ANKRD28: variants seen among roughly 807,000 people sequenced by gnomAD.
ANKRD28 encodes serine/threonine-protein phosphatase 6 regulatory ankyrin repeat subunit A.
In ANKRD28, 44 loss-of-function variants were observed where a neutral mutation model predicts 126.5. That is an observed-to-expected ratio of 0.35 (90% CI 0.27 to 0.45). ANKRD28 has a LOEUF of 0.45. ANKRD28 is among the 20% of genes least tolerant of loss of function. The probability of loss-of-function intolerance (pLI) is 1.00; values close to 1 mark genes in which losing one functional copy is unlikely to be tolerated. For synonymous variants in ANKRD28, 442 were observed against 468.5 expected (o/e 0.94, Z 0.73); for missense variants, 1,110 against 1,316.6 (o/e 0.84, Z 2.43).
At chr3:15,710,471 C>A (rs964586072) in intron 12 of ANKRD28, among the ~76,000 whole-genome samples, 1 of 152,182 alleles carries the variant, frequency 6.6e-6, no homozygotes, top group Non-Finnish European at 1.5e-5. Flanking sequence ...AAACCAGTCA[C>A]ATGCTCACAA....
intron 7 of ANKRD28, 109 bp downstream of exon 7, chr3:15,724,273 T>A (rs544582724): frequency 2.0e-6 from 2 of 975,934 alleles, no homozygotes; most frequent in East Asian, 5.3e-5. Flanking sequence ...AATTAAAACA[T>A]GAAAACATTG....
At chr3:15,705,385 G>A (rs2071217135) in intron 14 of ANKRD28, among the ~76,000 whole-genome samples, 1 of 152,124 alleles carries the variant, frequency 6.6e-6, no homozygotes. Context: ...GGATCAAAGT[G>A]TAATCTTTTT....
At chr3:15,693,610 G>A (rs905446403) in intron 17 of ANKRD28, among the ~76,000 whole-genome samples, 3 of 152,074 alleles carry the variant, frequency 2.0e-5, no homozygotes, top group African/African-American at 7.2e-5. Flanking sequence ...TGAGAATGCT[G>A]CTGCTGCTGC....
intron 4 of ANKRD28, among the ~76,000 whole-genome samples, chr3:15,742,158 C>T (rs1244944379): frequency 1.3e-5 from 2 of 151,810 alleles, no homozygotes; most frequent in Admixed American, 1.3e-4. Context: ...CCGGCCGCCA[C>T]CCCGTCTGGG....
rs373093559 is a variant in ANKRD28 at position 15,727,727 on chromosome 3, TGTG to T, written c.641-3206_641-3204del. Reference sequence around the variant, plus strand: ...CTTCAGCGAAGGAAATAACTACAGATGTGGTAGAAATAGCAAGAGAACTAGAAT... The same window carrying T: ...CTTCAGCGAAGGAAATAACTACAGATGTAGAAATAGCAAGAGAACTAGAAT... On this transcript the variant is annotated intron_variant, in intron 6 of 27. Transcript: ENST00000683139. Among the ~76,000 whole-genome samples, 257 of 152,104 alleles carry T rather than the reference TGTG, an allele frequency of 1.7e-3. 2 individuals are homozygous for T. The highest frequency in any genetic ancestry group is 3.3e-3 in the Non-Finnish European group (225 of 67,988).
At chr3:15,674,928 T>C (rs2066777572) in intron 27 of ANKRD28, among the ~76,000 whole-genome samples, 1 of 151,938 alleles carries the variant, frequency 6.6e-6, no homozygotes, top group South Asian at 2.1e-4. Flanking sequence ...TTTTGCTATG[T>C]GTAGGGGTGA....
intron 4 of ANKRD28, among the ~76,000 whole-genome samples, chr3:15,747,183 T>G (rs896542030): frequency 3.9e-5 from 6 of 152,028 alleles, no homozygotes; most frequent in Admixed American, 6.5e-5. Flanking sequence ...TTTTTTTGGT[T>G]TCAATTTCAT....
At chr3:15,857,727 C>T in intron 1 of ANKRD28, among the ~76,000 whole-genome samples, 1 of 152,232 alleles carries the variant, frequency 6.6e-6, no homozygotes, top group East Asian at 1.9e-4. Context: ...CTGAAAAACA[C>T]AATCCTGTTT....
intron 3 of ANKRD28, chr3:15,756,401 G>T (rs2125429355): frequency 2.9e-6 from 2 of 681,340 alleles, no homozygotes; most frequent in Middle Eastern, 7.6e-4. Flanking sequence ...AAAAGAAAAG[G>T]TTACCTAAAT....
chr3:15,685,967 A>T, intron 20 of ANKRD28, 35 bp downstream of exon 20: 2 of 1,552,768 alleles, frequency 1.3e-6, no homozygotes, highest in Non-Finnish European at 1.8e-6. Flanking sequence ...AGGTCATAAA[A>T]GCTTTTTGAA....
intron 2 of ANKRD28, among the ~76,000 whole-genome samples, chr3:15,788,000 C>T (rs925301769): frequency 6.6e-6 from 1 of 152,142 alleles, no homozygotes; most frequent in Non-Finnish European, 1.5e-5. Context: ...TATGCTACAT[C>T]TAAGATCTAC....
intron 4 of ANKRD28, among the ~76,000 whole-genome samples, chr3:15,742,608 G>A (rs1355227029): frequency 0.019 from 3 of 158 alleles, no homozygotes; most frequent in Non-Finnish European, 0.031. Context: ...AGGGAGGTGG[G>A]GGTCAGCCCC....
At chr3:15,731,945 C>T (rs1214754617) in intron 6 of ANKRD28, 1 of 146,454 alleles carries the variant, frequency 6.8e-6, no homozygotes, top group African/African-American at 2.5e-5. Context: ...TTCCTTTACA[C>T]TCACACTGAA....
rs372953876 is a variant in ANKRD28 at position 15,817,979 on chromosome 3, A to C, written c.28-22673T>G. Among the ~76,000 whole-genome samples the C allele has an allele frequency of 2.4e-4, 37 of 152,376 alleles. No homozygotes were observed. The South Asian group carries it at 4.8e-3, about 20-fold the overall frequency. ...TACTACCAATGAACAACTGGAAATCAAAACAAAAAGCAGTACCATTTATAA... is the reference window on the plus strand; with the variant it reads ...TACTACCAATGAACAACTGGAAATCCAAACAAAAAGCAGTACCATTTATAA... On this transcript the variant is annotated intron_variant, in intron 1 of 27. Transcript: ENST00000399451. This position sits in a 1 kb window ranked among gnomAD's most constrained non-coding sequence, Gnocchi z 4.5.
At chr3:15,773,304 A>G (rs2059106546) in intron 2 of ANKRD28, among the ~76,000 whole-genome samples, 1 of 152,198 alleles carries the variant, frequency 6.6e-6, no homozygotes, top group East Asian at 1.9e-4. Flanking sequence ...AGGAAAATAA[A>G]TGCTTAAGCA....
At chr3:15,764,541 G>T (rs80037420) in intron 3 of ANKRD28, among the ~76,000 whole-genome samples, 2 of 144,136 alleles carry the variant, frequency 1.4e-5, no homozygotes, top group African/African-American at 5.2e-5. Context: ...AATAAAAAAT[G>T]AAAAAAAAAA....
intron 13 of ANKRD28, among the ~76,000 whole-genome samples, chr3:15,709,294 GA>G (rs1007251432): frequency 3.3e-5 from 5 of 152,182 alleles, no homozygotes; most frequent in Non-Finnish European, 7.4e-5. Flanking sequence ...CCCTCACCAA[GA>G]AATGACTTGG....
At chr3:15,707,023 T>C (rs992064629) in intron 14 of ANKRD28, among the ~76,000 whole-genome samples, 1 of 152,226 alleles carries the variant, frequency 6.6e-6, no homozygotes, top group Non-Finnish European at 1.5e-5. Flanking sequence ...GAGTTTATAC[T>C]AAATTAACAT....
intron 1 of ANKRD28, among the ~76,000 whole-genome samples, chr3:15,826,285 T>C (rs1393710624): frequency 6.6e-6 from 1 of 152,214 alleles, no homozygotes; most frequent in Non-Finnish European, 1.5e-5. Context: ...GCAATTTTGT[T>C]ACACGCACAG....
Sources: allele counts gnomAD v4.1 joint callset (sites outside exome capture counted in the v4.1 genomes callset), GRCh38; gene constraint gnomAD v4.1.1; non-coding constraint Gnocchi (gnomAD v3.1); transcripts MANE v1.5; gene names NCBI Gene and HGNC (gene_info 2026-07-23, HGNC 2026-07-21).